The following CORO2B variants were observed in gnomAD, a reference collection of about 807,000 sequenced individuals.
CORO2B encodes the protein coronin-2B.
Under a neutral mutation model 58.8 loss-of-function variants are expected in CORO2B, and 26 were observed. That is an observed-to-expected ratio of 0.44 (90% CI 0.32 to 0.61). The LOEUF is 0.61. CORO2B is among the 20% of genes least tolerant of loss of function. CORO2B has a pLI of 0.04. For missense variants in CORO2B, 460 were observed against 645.1 expected (o/e 0.71, Z 3.11); for synonymous variants, 242 against 253.8 (o/e 0.95, Z 0.44).
At chr15:68,616,641 G>A (rs528834427) in intron 1 of CORO2B, 2 of 983,954 alleles carry the variant, frequency 2.0e-6, no homozygotes, top group South Asian at 9.4e-5. Flanking sequence ...CAGCGCGTGG[G>A]CCCCAGCGCA....
chr15:68,600,755 GAAAAC>G (rs1452300615), intron 1 of CORO2B, among the ~76,000 whole-genome samples: 1 of 152,208 alleles, frequency 6.6e-6, no homozygotes, highest in African/African-American at 2.4e-5. Context: ...TTGAGGAAAT[GAAAAC>G]AGTAAATGGG....
intron 3 of CORO2B, among the ~76,000 whole-genome samples, chr15:68,696,409 C>T (rs11857162): frequency 1.3e-5 from 2 of 150,960 alleles, no homozygotes; most frequent in Admixed American, 6.6e-5. Flanking sequence ...ATTAGCCAGG[C>T]GTGGTGGCGC....
intron 2 of CORO2B, among the ~76,000 whole-genome samples, chr15:68,655,492 C>T (rs1320087795): frequency 3.9e-5 from 6 of 152,256 alleles, no homozygotes; most frequent in African/African-American, 9.6e-5. Flanking sequence ...GTTGTGCCCA[C>T]GACAAGTCCT....
the CORO2B span, among the ~76,000 whole-genome samples, chr15:68,554,207 T>C: frequency 6.6e-6 from 1 of 152,066 alleles, no homozygotes; most frequent in African/African-American, 2.4e-5. Context: ...GGTGGCGCTA[T>C]TGGTCATATT....
chr15:68,622,662 C>T (rs1228056359), intron 1 of CORO2B, among the ~76,000 whole-genome samples: 3 of 152,156 alleles, frequency 2.0e-5, no homozygotes, highest in Non-Finnish European at 4.4e-5. Flanking sequence ...CAAGATTCAC[C>T]CCCACACCCC....
rs80144490 is a variant in CORO2B at position 68,601,279 on chromosome 15, C to T, written c.15+22002C>T. On this transcript the variant is annotated intron_variant, in intron 1 of 11. Transcript: ENST00000261861. ...GATGTAGAGATGGTTGAGATACTGC[C>T]GCTGGGCTCCAGGGCGGCAGGCGGG... 5.6e-4 allele frequency among the ~76,000 whole-genome samples: 85 copies of T among 152,320 alleles called. 2 individuals carry two copies. Among genetic ancestry groups the T allele is most frequent in the South Asian group, 4.3e-3 (21 of 4,832 alleles).
chr15:68,531,732 T>G, the CORO2B span, among the ~76,000 whole-genome samples: 1 of 151,692 alleles, frequency 6.6e-6, no homozygotes, highest in Non-Finnish European at 1.5e-5. Context: ...TACCAACATA[T>G]TTACTACTTT....
intron 1 of CORO2B, among the ~76,000 whole-genome samples, chr15:68,618,016 G>T (rs1460900264): frequency 6.6e-6 from 1 of 152,192 alleles, no homozygotes. Flanking sequence ...GGACAGAGTT[G>T]AACAGAGTCA....
At chr15:68,569,932 C>T in the CORO2B span, among the ~76,000 whole-genome samples, 416 of 152,328 alleles carry the variant, frequency 2.7e-3, 3 homozygotes, top group African/African-American at 9.5e-3. Flanking sequence ...ATAACCCCTA[C>T]AGTGCACAGG....
the CORO2B span, among the ~76,000 whole-genome samples, chr15:68,547,541 A>C: frequency 6.6e-6 from 1 of 152,054 alleles, no homozygotes; most frequent in Non-Finnish European, 1.5e-5. Context: ...ACGGGGTTTT[A>C]CCGTGTTAGC....
At position 68,725,798 on chromosome 15, in the gene CORO2B, C is replaced by T. The variant is rs117640463; in HGVS notation, c.1312-45C>T. 2.5e-3 allele frequency: 4,067 copies of T among 1,608,162 alleles called. 29 individuals are homozygous for T. The East Asian group carries it at 0.027, about 11-fold the overall frequency. ...ACCTGGGAAATCCTTGTCTCACCTG[C>T]TCTCTCCTGGGCCCTCCTTGGCCCC... On this transcript the variant is annotated intron_variant, in intron 11 of 11. Transcript: ENST00000261861.
In CORO2B at chr15:68,718,715, G is replaced by A. The variant is rs770517782; in HGVS notation, c.985G>A (p.Gly329Arg). 5 of 1,614,016 alleles carry A rather than the reference G, an allele frequency of 3.1e-6. No individual in the cohort carries two copies. The highest frequency in any genetic ancestry group is 1.3e-5 in the African/African-American group (1 of 74,936). The change falls in exon 9 of 12, where the codon GGG becomes AGG. Residue 329 changes from glycine to arginine, a missense_variant. By Grantham distance (125) the Gly-to-Arg change is moderately radical. Around this residue, in one of 2 missense-constraint regions of CORO2B, gnomAD observed 352 missense variants for 543.0 expected, o/e 0.65. Transcript: ENST00000261861. ...QKGLGVMPKH[G>R]LDVSACEVFR... Reference sequence around the variant, plus strand: ...TGTTACAGGGGTCATGCCCAAGCACGGGCTGGATGTGTCAGCCTGCGAGGT... The same window carrying A: ...TGTTACAGGGGTCATGCCCAAGCACAGGCTGGATGTGTCAGCCTGCGAGGT...
At chr15:68,540,860 AC>A in the CORO2B span, among the ~76,000 whole-genome samples, 2 of 152,164 alleles carry the variant, frequency 1.3e-5, no homozygotes, top group East Asian at 3.8e-4. Flanking sequence ...AGTTTTAGCC[AC>A]CTTTGCTTCT....
chr15:68,596,712 T>C (rs1449592037), intron 1 of CORO2B, among the ~76,000 whole-genome samples: 1 of 152,164 alleles, frequency 6.6e-6, no homozygotes, highest in Non-Finnish European at 1.5e-5. Context: ...ACAGGGAAGA[T>C]GCATCTTCAG....
the CORO2B span, among the ~76,000 whole-genome samples, chr15:68,525,817 T>C: frequency 1.3e-5 from 2 of 152,222 alleles, no homozygotes; most frequent in African/African-American, 4.8e-5. Context: ...GACAGTGCGA[T>C]GAGTTTTTAC....
chr15:68,672,420 C>T (rs1015513975), intron 2 of CORO2B, among the ~76,000 whole-genome samples: 11 of 151,980 alleles, frequency 7.2e-5, no homozygotes, highest in African/African-American at 2.7e-4. Context: ...ACAGCCGGGA[C>T]ATAGATGTGC....
At chr15:68,589,128 A>G (rs1899638305) in intron 1 of CORO2B, among the ~76,000 whole-genome samples, 1 of 152,142 alleles carries the variant, frequency 6.6e-6, no homozygotes, top group Admixed American at 6.5e-5. Flanking sequence ...TGTTAAACTG[A>G]CCTTTTCAGG....
intron 7 of CORO2B, 78 bp from the exon 8 acceptor site, chr15:68,715,137 C>A: frequency 7.7e-7 from 1 of 1,293,972 alleles, no homozygotes; most frequent in Non-Finnish European, 1.1e-6. Context: ...GAGCTGTCTT[C>A]AGCTGGCTCC....
chr15:68,539,622 C>T, the CORO2B span, among the ~76,000 whole-genome samples: 5 of 152,074 alleles, frequency 3.3e-5, no homozygotes, highest in African/African-American at 1.2e-4. Flanking sequence ...CTGCAGTGAG[C>T]CAAGATTGAG....
Sources: gnomAD v4.1 joint callset for allele counts (sites outside exome capture counted in the v4.1 genomes callset) on GRCh38, gnomAD v4.1.1 for gene constraint, gnomAD v4.1.1 regional missense constraint, MANE v1.5 for transcripts, NCBI Gene and HGNC (gene_info 2026-07-23, HGNC 2026-07-21) for gene names.